Variants in PACRGL observed in about 807,000 individuals in gnomAD.
PACRGL encodes parkin coregulated like.
Under a neutral mutation model 34.5 loss-of-function variants are expected in PACRGL, and 38 were observed. That is an observed-to-expected ratio of 1.10 (90% confidence interval 0.85 to 1.44). The LOEUF (loss-of-function observed/expected upper bound fraction) is 1.44, where lower values mean the gene tolerates loss of function less well. Among genes scored for constraint, PACRGL ranks in the 40% most tolerant of loss-of-function variants. The pLI is 0.00. For missense variants in PACRGL, 305 were observed against 281.4 expected (o/e 1.08, Z -0.60); for synonymous variants, 128 against 100.1 (o/e 1.28, Z -1.66).
At chr4:20,737,426 A>C (rs929667484), downstream of PACRGL, among the ~76,000 whole-genome samples, 1 of 152,202 alleles carries the variant, frequency 6.6e-6, no homozygotes, top group Non-Finnish European at 1.5e-5. Context: ...TGAAGAGAAG[A>C]ATCTAAAAAG....
rs76517869 is a variant in PACRGL at position 20,725,283 on chromosome 4, C to G, written c.690+395C>G. Among the ~76,000 whole-genome samples the G allele has an allele frequency of 6.3e-3, 962 of 152,128 alleles. 8 individuals carry two copies. Among genetic ancestry groups the G allele is most frequent in the African/African-American group, 0.022 (916 of 41,498 alleles). ...TACCTTTTTCTCTTTCATTTGCTGCCTTTTCTGACTCAGACGTCCAGATGA... is the reference window on the plus strand; with the variant it reads ...TACCTTTTTCTCTTTCATTTGCTGCGTTTTCTGACTCAGACGTCCAGATGA... On this transcript the variant is annotated intron_variant, in intron 8 of 8. Coordinates refer to ENST00000503585, the MANE Select transcript of PACRGL (RefSeq NM_001258345.3).
chr4:20,743,021 C>T (rs887027401), intron 8 of PACRGL, among the ~76,000 whole-genome samples: 50 of 99,192 alleles, frequency 5.0e-4, no homozygotes, highest in African/African-American at 2.2e-3. Context: ...TGTGAAGGAC[C>T]CTTATAAGGG....
the PACRGL span, among the ~76,000 whole-genome samples, chr4:20,762,371 C>T: frequency 2.0e-5 from 3 of 152,310 alleles, no homozygotes; most frequent in East Asian, 5.8e-4. Context: ...GGGACACAAA[C>T]ATTCAGACCA....
At chr4:20,737,532 A>C (rs1456334613), downstream of PACRGL, among the ~76,000 whole-genome samples, 1 of 148,882 alleles carries the variant, frequency 6.7e-6, no homozygotes, top group African/African-American at 2.5e-5. Flanking sequence ...GATACATGAG[A>C]CAGAAGAACA....
chr4:20,700,115 G>A (rs933591816), upstream of PACRGL, among the ~76,000 whole-genome samples: 4 of 152,198 alleles, frequency 2.6e-5, no homozygotes, highest in African/African-American at 9.6e-5. Flanking sequence ...TTGAGGGTAA[G>A]ATAGCTGAGG....
intron 1 of PACRGL, among the ~76,000 whole-genome samples, chr4:20,703,347 A>G (rs1017145052): frequency 3.9e-5 from 6 of 152,194 alleles, no homozygotes; most frequent in African/African-American, 1.2e-4. Context: ...GTAATCAAGT[A>G]GAAATAAGGA....
Position 20,707,778 on chromosome 4 carries a change from G to A in PACRGL, c.208-25G>A, listed in dbSNP as rs1165434050. 5 of 1,598,340 alleles carry A rather than the reference G, an allele frequency of 3.1e-6. No homozygotes were observed. In the East Asian group the frequency reaches 8.9e-5, roughly 29 times the overall value. On this transcript the variant is annotated intron_variant, in intron 3 of 8. Coordinates refer to ENST00000503585, the MANE Select transcript of PACRGL (RefSeq NM_001258345.3). Reference sequence around the variant, plus strand: ...TCTGACCTCAGAAGTATAGGTGATAGTAATATTTTCATTTTTTATTTTAGT... The same window carrying A: ...TCTGACCTCAGAAGTATAGGTGATAATAATATTTTCATTTTTTATTTTAGT...
rs1230048144 is a variant in PACRGL at position 20,731,791 on chromosome 4, GTT to G, written c.*4452_*4453del. On this transcript the variant is annotated 3_prime_UTR_variant, in exon 9 of 9. Transcript: ENST00000503585. ...CATGTACAACTTTTGTATCCCCAGG[GTT>G]TCCTCCATAGCCTGACTCAGTGGGC... The G allele has an allele frequency of 3.0e-6, 3 of 985,216 alleles. No homozygotes were observed. Among genetic ancestry groups the G allele is most frequent in the Non-Finnish European group, 3.6e-6 (3 of 829,928 alleles). 61.0% of individuals were successfully genotyped at this position (985,216 alleles called of 1,614,324 possible).
chr4:20,706,749 T>A (rs1005494413), intron 3 of PACRGL, among the ~76,000 whole-genome samples: 2 of 152,074 alleles, frequency 1.3e-5, no homozygotes, highest in African/African-American at 4.8e-5. Context: ...TAGTTTTTTG[T>A]ATTTTTAGTA....
At chr4:20,721,471 C>G (rs1743162388) in intron 7 of PACRGL, among the ~76,000 whole-genome samples, 1 of 151,964 alleles carries the variant, frequency 6.6e-6, no homozygotes, top group Non-Finnish European at 1.5e-5. Context: ...TACCTTTGGT[C>G]TTTGATGATG....
intron 4 of PACRGL, among the ~76,000 whole-genome samples, chr4:20,708,791 C>T (rs928727990): frequency 3.3e-5 from 5 of 151,982 alleles, no homozygotes; most frequent in African/African-American, 9.7e-5. Context: ...TGAGTGTATT[C>T]GTACATAAAA....
In PACRGL at chr4:20,730,664, C is replaced by G. The variant is rs756049933; in HGVS notation, c.*3323C>G. On this transcript the variant is annotated 3_prime_UTR_variant, in exon 9 of 9. Transcript: ENST00000503585. ...CTAGTTATGGCTAAAGCTGCATGGC[C>G]TGAAGGAGCCTTTAAAAATGAATGG... 4.3e-4 allele frequency among the ~76,000 whole-genome samples: 66 copies of G among 152,240 alleles called. No individual in the cohort carries two copies. Among genetic ancestry groups the G allele is most frequent in the Middle Eastern group, 3.4e-3 (1 of 294 alleles).
intron 8 of PACRGL, among the ~76,000 whole-genome samples, chr4:20,740,925 GTC>G (rs1750918173): frequency 6.6e-6 from 1 of 152,106 alleles, no homozygotes; most frequent in African/African-American, 2.4e-5. Context: ...TGCAATCCTA[GTC>G]TCTGATAAAA....
rs867410828 is a variant in PACRGL at position 20,727,928 on chromosome 4, A to G, written c.*587A>G. On this transcript the variant is annotated 3_prime_UTR_variant, in exon 9 of 9. Coordinates refer to ENST00000503585, the MANE Select transcript of PACRGL (RefSeq NM_001258345.3). The stretch of plus-strand genomic sequence containing the variant: ...CTCAGCCTCCTGATTAGCTGGGACT[A>G]TAGGCGTGTGCCACCATGCCCAGCT... The G allele has an allele frequency of 6.5e-6, 1 of 152,730 alleles. No individual in the cohort carries two copies. The highest frequency in any genetic ancestry group is 3.3e-3 in the Middle Eastern group (1 of 300). The allele number at this position is 152,730 out of a possible 1,614,324, so 9.5% of individuals were successfully genotyped here. A position where few individuals can be genotyped will look rare whatever the true frequency, so the allele number is the denominator to read the frequency against.
intron 7 of PACRGL, chr4:20,718,692 A>G (rs1216805723): frequency 6.6e-6 from 1 of 151,926 alleles, no homozygotes; most frequent in African/African-American, 2.4e-5. Context: ...TCACTTGGTC[A>G]TGGTGGATAA....
chr4:20,740,997 G>A (rs1750939952), intron 8 of PACRGL, among the ~76,000 whole-genome samples: 1 of 152,074 alleles, frequency 6.6e-6, no homozygotes, highest in South Asian at 2.1e-4. Context: ...AATGGTAAAG[G>A]GATCAATTCA....
At chr4:20,727,048 T>A (rs1441142830) in intron 8 of PACRGL, among the ~76,000 whole-genome samples, 1 of 152,162 alleles carries the variant, frequency 6.6e-6, no homozygotes, top group Non-Finnish European at 1.5e-5. Flanking sequence ...AGATGCTGAA[T>A]TCAGATACTG....
chr4:20,734,246 A>G (rs936677219), downstream of PACRGL, among the ~76,000 whole-genome samples: 1 of 152,194 alleles, frequency 6.6e-6, no homozygotes, highest in Non-Finnish European at 1.5e-5. Context: ...TCATTCCACA[A>G]TCCCCATGAT....
At chr4:20,701,982 G>GT in intron 1 of PACRGL, 1 of 452,046 alleles carries the variant, frequency 2.2e-6, no homozygotes, top group Non-Finnish European at 4.4e-6. Context: ...TTGCATTACT[G>GT]TATGTTTAAT....
Sources: allele counts gnomAD v4.1 joint callset (sites outside exome capture counted in the v4.1 genomes callset), GRCh38; gene constraint gnomAD v4.1.1; transcripts MANE v1.5; gene names NCBI Gene and HGNC (gene_info 2026-07-23, HGNC 2026-07-21).